The following CCDC192 variants were observed in gnomAD, a reference collection of about 807,000 sequenced individuals.
CCDC192 encodes the protein coiled-coil domain containing 192.
chr5:127,784,928 G>A (rs1756451577), intron 3 of CCDC192: 2 of 458,098 alleles, frequency 4.4e-6, no homozygotes, highest in Non-Finnish European at 8.6e-6. Flanking sequence ...TAACCAAGAT[G>A]TAATTTTATT....
chr5:127,863,768 T>C (rs897887330), intron 5 of CCDC192, among the ~76,000 whole-genome samples: 3 of 152,202 alleles, frequency 2.0e-5, no homozygotes, highest in Non-Finnish European at 4.4e-5. Flanking sequence ...TCAAATTCCT[T>C]TGTGACTCAG....
chr5:127,903,460 C>G (rs1753108026), intron 6 of CCDC192, among the ~76,000 whole-genome samples: 1 of 152,142 alleles, frequency 6.6e-6, no homozygotes, highest in African/African-American at 2.4e-5. Context: ...CCAGGCTGGT[C>G]TCAAACTCAT....
intron 6 of CCDC192, among the ~76,000 whole-genome samples, chr5:127,882,956 G>A (rs1054858317): frequency 1.3e-5 from 2 of 152,176 alleles, no homozygotes; most frequent in East Asian, 3.8e-4. Context: ...TTTCACCACT[G>A]AAAACAGATA....
At chr5:127,752,251 CT>C (rs1754230619) in intron 2 of CCDC192, among the ~76,000 whole-genome samples, 1 of 152,126 alleles carries the variant, frequency 6.6e-6, no homozygotes, top group Admixed American at 6.5e-5. Context: ...GTTTTATCTA[CT>C]TTTGGTCTTT....
At chr5:127,785,535 G>A (rs566851191) in intron 3 of CCDC192, 32 of 175,276 alleles carry the variant, frequency 1.8e-4, no homozygotes, top group Non-Finnish European at 3.7e-4. Flanking sequence ...CGTAGTTATC[G>A]GCAATTCACA....
intron 5 of CCDC192, among the ~76,000 whole-genome samples, chr5:127,842,711 A>G (rs533735628): frequency 5.9e-5 from 9 of 152,314 alleles, no homozygotes; most frequent in African/African-American, 2.2e-4. Flanking sequence ...TCTGCAAGCT[A>G]ACTGGTCTAG....
chr5:127,724,774 G>T (rs1406785456), intron 2 of CCDC192, among the ~76,000 whole-genome samples: 1 of 151,754 alleles, frequency 6.6e-6, no homozygotes, highest in Non-Finnish European at 1.5e-5. Context: ...GCTTGAACCT[G>T]GGAGGCGGAG....
Position 127,890,918 on chromosome 5 carries a change from T to A in CCDC192, c.535+15257T>A, listed in dbSNP as rs150114471. Among the ~76,000 whole-genome samples the A allele has an allele frequency of 1.4e-4, 22 of 152,358 alleles. No homozygotes were observed. The East Asian group carries it at 4.2e-3, about 29-fold the overall frequency. On this transcript the variant is annotated intron_variant, in intron 6 of 6. Coordinates refer to ENST00000514853, the MANE Select transcript of CCDC192 (RefSeq NM_001317938.2). ...TGTTTGCATGGTTATAGATCTCAGA[T>A]GAACACATAATTTTGCTCAGCAAAG...
intron 3 of CCDC192, among the ~76,000 whole-genome samples, chr5:127,791,686 A>T (rs923449772): frequency 3.9e-5 from 6 of 152,384 alleles, no homozygotes; most frequent in African/African-American, 1.4e-4. Context: ...GTCATTAAAC[A>T]AATGGATGAT....
intron 2 of CCDC192, among the ~76,000 whole-genome samples, chr5:127,715,861 C>T (rs1471509777): frequency 6.6e-6 from 1 of 152,086 alleles, no homozygotes; most frequent in Non-Finnish European, 1.5e-5. Context: ...GTGATTTCCT[C>T]CTTTGCAGTT....
intron 2 of CCDC192, among the ~76,000 whole-genome samples, chr5:127,747,583 T>C (rs1032081017): frequency 1.3e-5 from 2 of 151,816 alleles, no homozygotes; most frequent in Non-Finnish European, 2.9e-5. Context: ...GCATGTGTCT[T>C]TATAGCAGCA....
rs148698203 is a variant in CCDC192 at position 127,827,866 on chromosome 5, C to T, written c.411+29704C>T. Among the ~76,000 whole-genome samples the T allele has an allele frequency of 1.6e-3, 238 of 152,248 alleles. 1 individual carries two copies. The highest frequency in any genetic ancestry group is 5.5e-3 in the African/African-American group (230 of 41,556). Reference sequence around the variant, plus strand: ...TACCTCAACTCTACCCATGTAAAATCCTTCACCAAGGTCAGCAATTTCCTA... The same window carrying T: ...TACCTCAACTCTACCCATGTAAAATTCTTCACCAAGGTCAGCAATTTCCTA... On this transcript the variant is annotated intron_variant, in intron 5 of 6. Coordinates refer to ENST00000514853, the MANE Select transcript of CCDC192 (RefSeq NM_001317938.2).
rs60444510 is a variant in CCDC192, at chr5:127,719,834, C to CGGG, written c.114+12077_114+12079dup. On this transcript the variant is annotated intron_variant, in intron 2 of 6. Coordinates refer to ENST00000514853, the MANE Select transcript of CCDC192 (RefSeq NM_001317938.2). ...CGCATGGCCAGATCAGAGGAAGGGG[C>CGGG]GGGGGAGGTGACACATGCTTTTTAA... Among the ~76,000 whole-genome samples the CGGG allele has an allele frequency of 5.0e-5, 7 of 138,822 alleles. 1 individual carries two copies. Among genetic ancestry groups the CGGG allele is most frequent in the Non-Finnish European group, 7.7e-5 (5 of 64,860 alleles). The allele number at this position is 138,822 out of a possible 152,430, so 91.1% of individuals were successfully genotyped here.
Position 127,916,385 on chromosome 5 carries a change from C to G in CCDC192, c.536-24797C>G, listed in dbSNP as rs191705058. Among the ~76,000 whole-genome samples the G allele has an allele frequency of 2.1e-4, 32 of 152,324 alleles. No homozygotes were observed. In the East Asian group the frequency reaches 4.6e-3, roughly 22 times the overall value. ...ACTGTTGTTAATATTGATAATTTGA[C>G]TTCATTCCACAAATCACGAATGTTC... On this transcript the variant is annotated intron_variant, in intron 6 of 6. Transcript: ENST00000514853.
intron 5 of CCDC192, among the ~76,000 whole-genome samples, chr5:127,874,599 T>C (rs1751991627): frequency 6.6e-6 from 1 of 152,198 alleles, no homozygotes; most frequent in Non-Finnish European, 1.5e-5. Context: ...TGATCTTACC[T>C]AGTGAGCAAA....
chr5:127,846,839 A>C (rs918503656), intron 5 of CCDC192, among the ~76,000 whole-genome samples: 10 of 151,552 alleles, frequency 6.6e-5, no homozygotes, highest in African/African-American at 1.2e-4. Context: ...AAAAAAAAAA[A>C]AAAAAACAGG....
At chr5:127,729,693 A>T (rs911054428) in intron 2 of CCDC192, among the ~76,000 whole-genome samples, 5 of 152,208 alleles carry the variant, frequency 3.3e-5, no homozygotes, top group African/African-American at 1.2e-4. Flanking sequence ...GCACAATCAA[A>T]TTAGAACTCA....
At chr5:127,846,910 T>G (rs998303626) in intron 5 of CCDC192, among the ~76,000 whole-genome samples, 1 of 150,756 alleles carries the variant, frequency 6.6e-6, no homozygotes, top group Admixed American at 6.6e-5. Flanking sequence ...CCACATTCTG[T>G]CAATTCTACC....
At chr5:127,733,455 T>A (rs1215579405) in intron 2 of CCDC192, among the ~76,000 whole-genome samples, 1 of 152,146 alleles carries the variant, frequency 6.6e-6, no homozygotes, top group Non-Finnish European at 1.5e-5. Flanking sequence ...AATAATTAAA[T>A]TACTGTCTTA....
Sources: gnomAD v4.1 joint callset for allele counts (sites outside exome capture counted in the v4.1 genomes callset) on GRCh38, gnomAD v4.1.1 for gene constraint, MANE v1.5 for transcripts, NCBI Gene and HGNC (gene_info 2026-07-23, HGNC 2026-07-21) for gene names.